Variants in GLG1 observed in about 807,000 individuals in gnomAD.
GLG1 encodes Golgi apparatus protein 1.
A neutral mutation model predicts 160.5 loss-of-function variants in GLG1; 38 were observed. The observed-to-expected ratio is 0.24, with a 90% CI of 0.18 to 0.31. The LOEUF (loss-of-function observed/expected upper bound fraction) is 0.31. GLG1 is among the 10% of genes least tolerant of loss of function. The probability of loss-of-function intolerance (pLI) is 1.00; values close to 1 mark genes in which losing one functional copy is unlikely to be tolerated. For missense variants in GLG1, 1,373 were observed against 1,505.2 expected, an observed-to-expected ratio of 0.91 and a Z score of 1.45; for synonymous variants, 644 against 543.4, an observed-to-expected ratio of 1.19 and a Z score of -2.57.
At chr16:74,508,980 A>G (rs1175873345) in intron 2 of GLG1, 55 bp from the exon 3 acceptor site, 3 of 754,820 alleles carry the variant, frequency 4.0e-6, no homozygotes, top group Non-Finnish European at 7.0e-6. Context: ...GAACAGTACG[A>G]AATTTATTAT....
chr16:74,526,641 T>C (rs1175344133), intron 2 of GLG1, among the ~76,000 whole-genome samples: 1 of 152,176 alleles, frequency 6.6e-6, no homozygotes, highest in Non-Finnish European at 1.5e-5. Context: ...GGAGGATCAC[T>C]TGAGCCTGGG....
chr16:74,515,288 G>T (rs927605577), intron 2 of GLG1, among the ~76,000 whole-genome samples: 1 of 151,876 alleles, frequency 6.6e-6, no homozygotes, highest in Non-Finnish European at 1.5e-5. Flanking sequence ...GCTCTGGAGC[G>T]GGCAGACCTA....
chr16:74,584,444 T>C (rs1051931770), intron 1 of GLG1, among the ~76,000 whole-genome samples: 1 of 151,372 alleles, frequency 6.6e-6, no homozygotes, highest in African/African-American at 2.4e-5. Context: ...GTATCTTTCT[T>C]ACAAAGCATG....
At chr16:74,537,879 C>T (rs892330915) in intron 1 of GLG1, among the ~76,000 whole-genome samples, 7 of 151,496 alleles carry the variant, frequency 4.6e-5, no homozygotes, top group Non-Finnish European at 1.0e-4. Context: ...AATCAACTAC[C>T]GCATTCACTT....
intron 1 of GLG1, among the ~76,000 whole-genome samples, chr16:74,601,879 G>T (rs1958447012): frequency 6.6e-6 from 1 of 152,122 alleles, no homozygotes; most frequent in South Asian, 2.1e-4. Flanking sequence ...GGTCTTTTAA[G>T]TCAAAAAGGA....
intron 24 of GLG1, among the ~76,000 whole-genome samples, chr16:74,457,117 G>A (rs374232936): frequency 1.3e-5 from 2 of 152,186 alleles, no homozygotes; most frequent in South Asian, 2.1e-4. Context: ...AAAACAGGCT[G>A]GGCATAGTGG....
intron 1 of GLG1, among the ~76,000 whole-genome samples, chr16:74,564,884 A>C (rs1470864813): frequency 6.6e-6 from 1 of 152,182 alleles, no homozygotes; most frequent in Non-Finnish European, 1.5e-5. Flanking sequence ...ATCCCAGCAT[A>C]AGGAGGTTGC....
intron 12 of GLG1, 76 bp from the exon 13 acceptor site, chr16:74,474,708 T>C (rs977474571): frequency 3.8e-6 from 3 of 788,032 alleles, no homozygotes; most frequent in South Asian, 2.7e-5. Flanking sequence ...ATCAGCGTCA[T>C]GACACTTCCC....
chr16:74,568,942 C>T (rs1458535594), intron 1 of GLG1, among the ~76,000 whole-genome samples: 2 of 152,164 alleles, frequency 1.3e-5, no homozygotes, highest in Non-Finnish European at 2.9e-5. Flanking sequence ...CAAGCCAGAA[C>T]TGAAGGAAAA....
At chr16:74,474,717 C>G (rs1008862681) in intron 12 of GLG1, 85 bp from the exon 13 acceptor site, 5 of 773,772 alleles carry the variant, frequency 6.5e-6, no homozygotes, top group South Asian at 4.1e-5. Flanking sequence ...ATGACACTTC[C>G]CTTTTCAGTG....
chr16:74,454,666 CAAAAAAAA>C (rs58759187), intron 25 of GLG1, among the ~76,000 whole-genome samples: 44 of 38,530 alleles, frequency 1.1e-3, no homozygotes, highest in African/African-American at 3.6e-3. Context: ...AATCCGTCCC[CAAAAAAAA>C]AAAAAAAAAA....
chr16:74,552,003 A>G (rs943684645), intron 1 of GLG1, among the ~76,000 whole-genome samples: 1 of 151,862 alleles, frequency 6.6e-6, no homozygotes, highest in Non-Finnish European at 1.5e-5. Context: ...AGTTTAATCT[A>G]AAAAGTTTGA....
intron 1 of GLG1, among the ~76,000 whole-genome samples, chr16:74,570,215 T>A (rs2018788048): frequency 6.6e-6 from 1 of 152,192 alleles, no homozygotes; most frequent in Non-Finnish European, 1.5e-5. Context: ...TAGGTGCTTT[T>A]GTACACACAC....
At position 74,516,969 on chromosome 16, in the gene GLG1, C is replaced by G. The variant is rs1328982796; in HGVS notation, c.472-8044G>C. On this transcript the variant is annotated intron_variant, in intron 2 of 25. Coordinates refer to ENST00000422840, the MANE Select transcript of GLG1 (RefSeq NM_001145667.2). ...AAAATCTAGAAGAAATGGATAAATT[C>G]CTGGACACATACACCCTCCCAAGAC... Among the ~76,000 whole-genome samples the G allele has an allele frequency of 4.6e-5, 7 of 152,268 alleles. No individual in the cohort carries two copies. The East Asian group carries it at 1.2e-3, about 25-fold the overall frequency.
intron 1 of GLG1, among the ~76,000 whole-genome samples, chr16:74,571,309 G>GATCC (rs1023092264): frequency 6.6e-6 from 1 of 152,116 alleles, no homozygotes; most frequent in Non-Finnish European, 1.5e-5. Flanking sequence ...AGAGATAAGG[G>GATCC]ATCCCATTGA....
At chr16:74,524,404 T>C (rs908988763) in intron 2 of GLG1, among the ~76,000 whole-genome samples, 1 of 152,190 alleles carries the variant, frequency 6.6e-6, no homozygotes. Context: ...GGCCTTTTTA[T>C]AGACACGTTT....
At position 74,449,132 on chromosome 16, in the gene GLG1, C is replaced by T. The variant is rs568714651; in HGVS notation, c.*4035G>A. The T allele has an allele frequency of 2.4e-3, 362 of 152,298 alleles. 1 individual carries two copies. Among genetic ancestry groups the T allele is most frequent in the Non-Finnish European group, 4.4e-3 (302 of 68,090 alleles). The allele number at this position is 152,298 out of a possible 1,614,324, so 9.4% of individuals were successfully genotyped here. On this transcript the variant is annotated 3_prime_UTR_variant, in exon 26 of 26. Transcript: ENST00000422840. ...AAACAAAAAACCAAAAAAGCCATTA[C>T]GGCCAAAATTTAGGCTGACTGTTCT...
intron 1 of GLG1, among the ~76,000 whole-genome samples, chr16:74,585,822 G>A (rs1958036020): frequency 6.6e-6 from 1 of 152,072 alleles, no homozygotes; most frequent in Admixed American, 6.6e-5. Context: ...CAACACTTTG[G>A]GAGGCCAAGG....
At chr16:74,533,719 T>C (rs2143617937) in intron 1 of GLG1, among the ~76,000 whole-genome samples, 1 of 152,242 alleles carries the variant, frequency 6.6e-6, no homozygotes, top group Non-Finnish European at 1.5e-5. Context: ...AAACAGAGAT[T>C]GCAGTGATCT....
Sources: allele counts gnomAD v4.1 joint callset (sites outside exome capture counted in the v4.1 genomes callset), GRCh38; gene constraint gnomAD v4.1.1; transcripts MANE v1.5; gene names NCBI Gene and HGNC (gene_info 2026-07-23, HGNC 2026-07-21).